The following MESD variants were observed in gnomAD, a reference collection of about 807,000 sequenced individuals.
The protein encoded by MESD is mesoderm development LRP chaperone.
A neutral mutation model predicts 12.9 loss-of-function variants in MESD; 7 were observed. The observed-to-expected ratio is 0.54, with a 90% confidence interval of 0.31 to 1.02. The LOEUF is 1.02. Ranked by LOEUF, MESD falls within the 50% of genes least tolerant of loss-of-function variation. The pLI is 0.05. For missense variants in MESD, 342 were observed against 296.7 expected (o/e 1.15, Z -1.12); for synonymous variants, 126 against 115.6 (o/e 1.09, Z -0.58).
chr15:80,974,913 G>A (rs1219036656), downstream of MESD, among the ~76,000 whole-genome samples: 1 of 150,990 alleles, frequency 6.6e-6, no homozygotes, highest in Non-Finnish European at 1.5e-5. Flanking sequence ...TCCCTAAGGA[G>A]TCTAAGAAAA....
chr15:80,973,645 A>G (rs143330125), downstream of MESD, among the ~76,000 whole-genome samples: 151 of 152,324 alleles, frequency 9.9e-4, 4 homozygotes, highest in South Asian at 0.013. Flanking sequence ...ACTGCAGGAG[A>G]AGGTGGTGAA....
In MESD at chr15:80,965,658, A is replaced by G. The variant is rs150130989; in HGVS notation, c.*288+13273T>C. ...ATGAGTTCATGTTATTTGCAGGGAC[A>G]TGGATGAAGCTGGAAACCATCATTC... On this transcript the variant is annotated intron_variant, in intron 3 of 4. Coordinates refer to the MESD transcript ENST00000561312. Among the ~76,000 whole-genome samples the G allele has an allele frequency of 8.2e-3, 1,255 of 152,334 alleles. 20 individuals are homozygous for G. The highest frequency in any genetic ancestry group is 0.029 in the African/African-American group (1,200 of 41,554).
intron 3 of MESD, among the ~76,000 whole-genome samples, chr15:80,956,023 C>T (rs957757501): frequency 1.3e-5 from 2 of 151,870 alleles, no homozygotes; most frequent in African/African-American, 4.8e-5. Flanking sequence ...AACCTCATCT[C>T]TACAAAAAAT....
chr15:80,979,834 T>G (rs1315317165), intron 2 of MESD, among the ~76,000 whole-genome samples: 1 of 152,232 alleles, frequency 6.6e-6, no homozygotes, highest in African/African-American at 2.4e-5. Flanking sequence ...GATCTGTATC[T>G]GTTTTATATT....
At chr15:80,968,174 T>C (rs371457962) in intron 3 of MESD, among the ~76,000 whole-genome samples, 12 of 152,374 alleles carry the variant, frequency 7.9e-5, no homozygotes, top group African/African-American at 2.6e-4. Flanking sequence ...TCCTCAGCCA[T>C]GCAGGTATCT....
intron 1 of MESD, among the ~76,000 whole-genome samples, chr15:80,982,561 T>C (rs1457511527): frequency 6.6e-6 from 1 of 152,326 alleles, no homozygotes; most frequent in East Asian, 1.9e-4. Context: ...AAATGTTAAG[T>C]GACAGAAGCC....
At chr15:80,961,074 G>A (rs761991451) in intron 3 of MESD, among the ~76,000 whole-genome samples, 3 of 152,172 alleles carry the variant, frequency 2.0e-5, no homozygotes, top group African/African-American at 4.8e-5. Flanking sequence ...TCTCAGTATC[G>A]CCAGGCTTAG....
Position 80,978,820 on chromosome 15 carries a change from A to G in MESD, c.*399T>C, listed in dbSNP as rs1186408319. ...CATGAAGAGTTTACTCAATTAAGTC[A>G]AGAGTTTTAAAGTCTTCTCTGATCA... On this transcript the variant is annotated 3_prime_UTR_variant, in exon 3 of 3. Transcript: ENST00000261758. 1.1e-5 allele frequency: 2 copies of G among 180,316 alleles called. No homozygotes were observed. The highest frequency in any genetic ancestry group is 2.3e-5 in the Non-Finnish European group (2 of 86,852). 11.2% of individuals were successfully genotyped at this position (180,316 alleles called of 1,614,324 possible).
chr15:80,969,499 C>A (rs947586407), intron 3 of MESD, among the ~76,000 whole-genome samples: 1 of 151,888 alleles, frequency 6.6e-6, no homozygotes, highest in South Asian at 2.1e-4. Flanking sequence ...GGGAGCAGCC[C>A]CTCTCCCAAG....
intron 4 of MESD, chr15:80,948,955 T>G: frequency 6.2e-7 from 1 of 1,613,854 alleles, no homozygotes; most frequent in Non-Finnish European, 8.5e-7. Flanking sequence ...CACCTCGTGG[T>G]AGACTATGAC....
At chr15:80,962,762 G>C (rs371096830) in intron 3 of MESD, among the ~76,000 whole-genome samples, 2 of 152,306 alleles carry the variant, frequency 1.3e-5, no homozygotes. Context: ...AATGAAGGCA[G>C]AAATAAAGAT....
At position 80,979,486 on chromosome 15, in the gene MESD, G is replaced by C. The variant is rs781283514; in HGVS notation, c.447-9C>G. ...CTGATCCCACAATGAACCTTGGGCA[G>C]AGAGATGCAATCAGTCAGCCAGCAC... On this transcript the variant is annotated splice_polypyrimidine_tract_variant and intron_variant, in intron 2 of 2. Coordinates refer to ENST00000261758, the MANE Select transcript of MESD (RefSeq NM_015154.3). 6.2e-7 allele frequency: 1 copy of C among 1,611,644 alleles called. No individual in the cohort carries two copies. The highest frequency in any genetic ancestry group is 1.7e-5 in the Admixed American group (1 of 59,936).
At chr15:80,961,380 T>A (rs1249542677) in intron 3 of MESD, among the ~76,000 whole-genome samples, 1 of 151,546 alleles carries the variant, frequency 6.6e-6, no homozygotes, top group Non-Finnish European at 1.5e-5. Flanking sequence ...ATTCAAAAAC[T>A]AAACCTTGTT....
chr15:80,983,102 G>T (rs1317075444), intron 1 of MESD, among the ~76,000 whole-genome samples: 3 of 152,014 alleles, frequency 2.0e-5, no homozygotes, highest in African/African-American at 7.3e-5. Context: ...AATTAGTCAG[G>T]TGTGGCGGCA....
chr15:80,959,178 G>C (rs1902041649), intron 3 of MESD, among the ~76,000 whole-genome samples: 1 of 152,194 alleles, frequency 6.6e-6, no homozygotes, highest in Non-Finnish European at 1.5e-5. Flanking sequence ...GTTGGAGTTG[G>C]GGGAGACAGT....
intron 3 of MESD, among the ~76,000 whole-genome samples, chr15:80,958,538 G>A (rs898747570): frequency 3.3e-5 from 5 of 152,152 alleles, no homozygotes; most frequent in African/African-American, 1.2e-4. Flanking sequence ...TTGCCACGTT[G>A]CCCAGGCTGG....
Position 80,978,437 on chromosome 15 carries a change from CGTCT to C in MESD, c.*778_*781del, listed in dbSNP as rs1902479315. On this transcript the variant is annotated 3_prime_UTR_variant, in exon 3 of 3. Transcript: ENST00000261758. Reference sequence around the variant, plus strand: ...TTAGAAACAAATGAGGTTATTGAGTCGTCTGTCACACTCTGCAAAGGACTCTGAT... The same window carrying C: ...TTAGAAACAAATGAGGTTATTGAGTCGTCACACTCTGCAAAGGACTCTGAT... 6.6e-6 allele frequency: 1 copy of C among 152,130 alleles called. No individual in the cohort carries two copies. The highest frequency in any genetic ancestry group is 6.5e-5 in the Admixed American group (1 of 15,276). 9.4% of individuals were successfully genotyped at this position (152,130 alleles called of 1,614,324 possible).
At chr15:80,971,081 TC>T (rs1902278116), downstream of MESD, among the ~76,000 whole-genome samples, 1 of 152,116 alleles carries the variant, frequency 6.6e-6, no homozygotes, top group Non-Finnish European at 1.5e-5. Flanking sequence ...AGTCAATGCT[TC>T]AAGGGCTTCA....
chr15:80,983,277 T>G (rs1902635270), intron 1 of MESD, among the ~76,000 whole-genome samples: 1 of 151,930 alleles, frequency 6.6e-6, no homozygotes, highest in Non-Finnish European at 1.5e-5. Context: ...AAATACTCCC[T>G]CTTTGCACTG....
Sources: allele counts gnomAD v4.1 joint callset (sites outside exome capture counted in the v4.1 genomes callset), GRCh38; gene constraint gnomAD v4.1.1; transcripts MANE v1.5; gene names NCBI Gene and HGNC (gene_info 2026-07-23, HGNC 2026-07-21).